The following SAXO1 variants were observed in gnomAD, a reference collection of about 807,000 sequenced individuals.
SAXO1 encodes 4930500O09Rik.
Under a neutral mutation model 17.5 loss-of-function variants are expected in SAXO1, and 21 were observed. The observed-to-expected ratio is 1.20, with a 90% CI of 0.85 to 1.72. The LOEUF (loss-of-function observed/expected upper bound fraction) is 1.72, where lower values mean the gene tolerates loss of function less well. Among genes scored for constraint, SAXO1 ranks in the 40% most tolerant of loss-of-function variants. SAXO1 has a pLI of 0.00. For synonymous variants in SAXO1, 274 were observed against 216.5 expected, an observed-to-expected ratio of 1.27 and a Z score of -2.33; for missense variants, 843 against 596.0, an observed-to-expected ratio of 1.41 and a Z score of -4.32.
intron 2 of SAXO1, among the ~76,000 whole-genome samples, chr9:18,945,625 A>G (rs1461115865): frequency 6.6e-6 from 1 of 152,020 alleles, no homozygotes; most frequent in Non-Finnish European, 1.5e-5. Context: ...CCTTACCTTC[A>G]CTATAACAGA....
intron 1 of SAXO1, among the ~76,000 whole-genome samples, chr9:19,029,714 C>T (rs530368243): frequency 1.3e-5 from 2 of 152,144 alleles, no homozygotes; most frequent in South Asian, 2.1e-4. Flanking sequence ...TGACTATACT[C>T]GAGTAGCTAC....
At chr9:18,945,840 G>A (rs1831768768) in intron 2 of SAXO1, among the ~76,000 whole-genome samples, 1 of 152,204 alleles carries the variant, frequency 6.6e-6, no homozygotes, top group South Asian at 2.1e-4. Context: ...GCAGAAAATG[G>A]CACTGTGTGA....
intron 1 of SAXO1, among the ~76,000 whole-genome samples, chr9:19,004,165 A>G (rs1023502319): frequency 1.3e-5 from 2 of 152,258 alleles, no homozygotes; most frequent in Non-Finnish European, 2.9e-5. Flanking sequence ...AGAGAAATGC[A>G]AATCAAAACC....
chr9:18,997,898 C>G (rs183739931), intron 1 of SAXO1, among the ~76,000 whole-genome samples: 5 of 152,248 alleles, frequency 3.3e-5, no homozygotes, highest in Non-Finnish European at 5.9e-5. Flanking sequence ...AGAAGGAAAA[C>G]CAACAGAAAG....
chr9:18,961,583 T>A (rs1299835834), intron 1 of SAXO1, among the ~76,000 whole-genome samples: 2 of 151,714 alleles, frequency 1.3e-5, no homozygotes, highest in Admixed American at 1.3e-4. Context: ...TGGGAACATG[T>A]GGTGTTTGCT....
intron 1 of SAXO1, among the ~76,000 whole-genome samples, chr9:19,008,521 G>A (rs1834582579): frequency 6.6e-6 from 1 of 152,190 alleles, no homozygotes; most frequent in Non-Finnish European, 1.5e-5. Context: ...GAAATTGAGG[G>A]TGAACAGGGG....
At chr9:18,958,863 AAGAG>A (rs1832364644) in intron 1 of SAXO1, among the ~76,000 whole-genome samples, 1 of 27,732 alleles carries the variant, frequency 3.6e-5, no homozygotes, top group South Asian at 2.3e-3. Context: ...AAGTTGCTCG[AAGAG>A]AAGAGGAAGG....
At chr9:18,992,589 G>A (rs929470586) in intron 1 of SAXO1, among the ~76,000 whole-genome samples, 5 of 152,208 alleles carry the variant, frequency 3.3e-5, no homozygotes, top group Non-Finnish European at 4.4e-5. Context: ...GCTAGGAAGT[G>A]GTCAGGTTGC....
In SAXO1 at chr9:18,929,054, A is replaced by G. The variant is rs531577068; in HGVS notation, c.423T>C (p.Ala141=). 1.7e-5 allele frequency: 27 copies of G among 1,613,254 alleles called. No homozygotes were observed. The Admixed American group carries it at 2.2e-4, about 13-fold the overall frequency. ...DKMECLPTYK[A]DYLPWNQPRR... ...TTGGTTGGTTCCAAGGCAAATAATC[A>G]GCTGAAATTAAAGCAGAAGAGGTAA... Residue 141 remains alanine (A), a splice_region_variant and synonymous_variant, in exon 4 of 4, where the codon GCT becomes GCC. Coordinates refer to ENST00000380534, the MANE Select transcript of SAXO1 (RefSeq NM_153707.4).
intron 1 of SAXO1, among the ~76,000 whole-genome samples, chr9:18,960,876 GAA>G (rs530772436): frequency 6.6e-6 from 1 of 152,166 alleles, no homozygotes; most frequent in Non-Finnish European, 1.5e-5. Context: ...TCTTTAGTGG[GAA>G]AAAAGTCAGA....
intron 1 of SAXO1, among the ~76,000 whole-genome samples, chr9:18,980,874 A>G (rs1588474645): frequency 6.6e-6 from 1 of 151,366 alleles, no homozygotes; most frequent in African/African-American, 2.4e-5. Context: ...ATCAGTTAAC[A>G]TCTTGGTATG....
chr9:19,039,725 T>A (rs907954153), intron 1 of SAXO1, among the ~76,000 whole-genome samples: 1 of 152,112 alleles, frequency 6.6e-6, no homozygotes, highest in African/African-American at 2.4e-5. Context: ...GAGATGCAGG[T>A]CTTGGAATTT....
chr9:18,937,039 T>TGGGTGGTA (rs1242601478), intron 3 of SAXO1, among the ~76,000 whole-genome samples: 6 of 152,186 alleles, frequency 3.9e-5, no homozygotes, highest in Admixed American at 2.0e-4. Flanking sequence ...GGTTTCTCTT[T>TGGGTGGTA]GGGTGGTAGA....
chr9:19,044,635 G>A (rs769759930), intron 1 of SAXO1, among the ~76,000 whole-genome samples: 10 of 151,828 alleles, frequency 6.6e-5, no homozygotes, highest in Admixed American at 3.9e-4. Context: ...AGGCTGAGGC[G>A]GCAGATCACA....
intron 1 of SAXO1, among the ~76,000 whole-genome samples, chr9:18,971,954 C>A (rs1002511205): frequency 1.3e-5 from 2 of 151,580 alleles, no homozygotes; most frequent in Non-Finnish European, 2.9e-5. Flanking sequence ...AACAAAAGAG[C>A]CAGGTTTTGC....
intron 1 of SAXO1, among the ~76,000 whole-genome samples, chr9:18,978,696 C>A (rs562324874): frequency 1.4e-3 from 216 of 152,310 alleles, no homozygotes; most frequent in African/African-American, 5.0e-3. Context: ...AGGCACTGTT[C>A]TAGATGCATA....
chr9:18,945,588 C>T (rs1451696255), intron 2 of SAXO1, among the ~76,000 whole-genome samples: 4 of 152,148 alleles, frequency 2.6e-5, no homozygotes, highest in Non-Finnish European at 5.9e-5. Flanking sequence ...GATTCATGCC[C>T]CTGGTCCTTA....
In SAXO1 at chr9:18,930,804, C is replaced by T. The variant is rs1358899756; in HGVS notation, c.422-1749G>A. ...GTGAGCCACCACGCCCGGCCTACTG[C>T]TGGCATTCTTTCAAAATACTTGACT... On this transcript the variant is annotated intron_variant, in intron 3 of 3. Transcript: ENST00000380534. 2.0e-5 allele frequency among the ~76,000 whole-genome samples: 3 copies of T among 152,314 alleles called. No homozygotes were observed. The East Asian group carries it at 5.8e-4, about 29-fold the overall frequency.
upstream of SAXO1, among the ~76,000 whole-genome samples, chr9:19,034,515 C>T (rs139606442): frequency 8.8e-4 from 134 of 152,186 alleles, 1 homozygote; most frequent in East Asian, 0.015. Context: ...TAAACATTCC[C>T]GATTTTGCCT....
Sources: gnomAD v4.1 joint callset for allele counts (sites outside exome capture counted in the v4.1 genomes callset) on GRCh38, gnomAD v4.1.1 for gene constraint, MANE v1.5 for transcripts, NCBI Gene and HGNC (gene_info 2026-07-23, HGNC 2026-07-21) for gene names.